Variants in RANBP17 observed in about 807,000 individuals in gnomAD.
RANBP17 encodes ran-binding protein 17.
RANBP17 carries 158 observed loss-of-function variants against 141.2 expected under a neutral mutation model. The observed-to-expected ratio is 1.12, with a 90% confidence interval of 0.98 to 1.28. The LOEUF is 1.28. Ranked by LOEUF, RANBP17 falls within the 50% of genes most tolerant of loss-of-function variation. RANBP17 has a pLI of 0.00. For missense variants in RANBP17, 1,438 were observed against 1,290.7 expected, an observed-to-expected ratio of 1.11 and a Z score of -1.75; for synonymous variants, 430 against 450.0, an observed-to-expected ratio of 0.96 and a Z score of 0.56.
Position 170,881,729 on chromosome 5 carries a change from CT to C in RANBP17, c.166-75del, listed in dbSNP as rs1264557043. ...AAAACCGGAAGAATTTCTGTTATTG[CT>C]TAGAAGAACATCTCTATCACAATGC... On this transcript the variant is annotated intron_variant, in intron 2 of 27. Transcript: ENST00000523189. 3 of 1,039,170 alleles carry C rather than the reference CT, an allele frequency of 2.9e-6. No individual in the cohort carries two copies. In the Admixed American group the frequency reaches 9.2e-5, roughly 32 times the overall value. The allele number at this position is 1,039,170 out of a possible 1,614,324, so 64.4% of individuals were successfully genotyped here.
In RANBP17 at chr5:171,185,748, T is replaced by A. The variant is rs115546677; in HGVS notation, c.2038+2318T>A. On this transcript the variant is annotated intron_variant, in intron 18 of 27. Transcript: ENST00000523189. ...GTCTTGAACCCCTCAGAGTCGTCCA[T>A]GAGAGTTGGAATCAACTTCTTCCAA... Among the ~76,000 whole-genome samples the A allele has an allele frequency of 6.8e-3, 1,032 of 152,336 alleles. 9 individuals carry two copies. Among genetic ancestry groups the A allele is most frequent in the Middle Eastern group, 0.027 (8 of 294 alleles).
chr5:170,961,022 A>C (rs1386169860), intron 13 of RANBP17, among the ~76,000 whole-genome samples: 1 of 152,228 alleles, frequency 6.6e-6, no homozygotes, highest in Non-Finnish European at 1.5e-5. Context: ...CTGGGATTAC[A>C]GGCGTGAGCC....
chr5:171,248,933 A>G (rs1285446094), intron 24 of RANBP17, among the ~76,000 whole-genome samples: 1 of 152,126 alleles, frequency 6.6e-6, no homozygotes, highest in African/African-American at 2.4e-5. Flanking sequence ...TGCTACTACC[A>G]GCATATGTGC....
rs10073714 is a variant in RANBP17 at position 171,089,279 on chromosome 5, C to T, written c.1711-80851C>T. Among the ~76,000 whole-genome samples, 3 of 83,488 alleles carry T rather than the reference C, an allele frequency of 3.6e-5. 1 individual carries two copies. The highest frequency in any genetic ancestry group is 8.8e-5 in the Non-Finnish European group (3 of 34,188). The allele number at this position is 83,488 out of a possible 152,430, so 54.8% of individuals were successfully genotyped here. ...TCCCAGTTAGGCTGCTCGGGGGTCA[C>T]GGGTCAGGGACCCACTTGAGGAGGC... On this transcript the variant is annotated intron_variant, in intron 14 of 27. Coordinates refer to ENST00000523189, the MANE Select transcript of RANBP17 (RefSeq NM_022897.5).
chr5:170,874,380 T>A (rs1741878168), intron 1 of RANBP17, among the ~76,000 whole-genome samples: 1 of 152,200 alleles, frequency 6.6e-6, no homozygotes, highest in African/African-American at 2.4e-5. Context: ...GTCCTGAATA[T>A]CTTTGTTAAT....
Position 170,908,656 on chromosome 5 carries a change from G to A in RANBP17, c.490-1005G>A, listed in dbSNP as rs373452275. Among the ~76,000 whole-genome samples, 7 of 148,576 alleles carry A rather than the reference G, an allele frequency of 4.7e-5. No individual in the cohort carries two copies. The East Asian group carries it at 1.2e-3, about 25-fold the overall frequency. ...CCCCCACAAGCTAAAATGAAAGTTG[G>A]GAAAAAAAAAAAAAGGAACACTGAA... On this transcript the variant is annotated intron_variant, in intron 5 of 27. Coordinates refer to ENST00000523189, the MANE Select transcript of RANBP17 (RefSeq NM_022897.5).
chr5:171,297,445 T>C (rs543635086), intron 27 of RANBP17, among the ~76,000 whole-genome samples: 1 of 152,340 alleles, frequency 6.6e-6, no homozygotes, highest in Non-Finnish European at 1.5e-5. Flanking sequence ...CAAATGCTGC[T>C]CCATTTGAAA....
At chr5:170,878,432 G>A (rs1273067058) in intron 2 of RANBP17, among the ~76,000 whole-genome samples, 189 bp downstream of exon 2, 1 of 152,120 alleles carries the variant, frequency 6.6e-6, no homozygotes, top group Non-Finnish European at 1.5e-5. Flanking sequence ...AGCAAACTTA[G>A]GGAAGAGCCA....
chr5:171,105,341 C>T lies in RANBP17; in HGVS notation c.1711-64789C>T, dbSNP rs537221408. Among the ~76,000 whole-genome samples the T allele has an allele frequency of 6.1e-3, 798 of 131,108 alleles. 9 individuals carry two copies. Among genetic ancestry groups the T allele is most frequent in the African/African-American group, 0.022 (760 of 34,378 alleles). The allele number at this position is 131,108 out of a possible 152,430, so 86.0% of individuals were successfully genotyped here. On this transcript the variant is annotated intron_variant, in intron 14 of 27. Coordinates refer to ENST00000523189, the MANE Select transcript of RANBP17 (RefSeq NM_022897.5). ...AGCTTGCAGTGAGCCGAGATCCCGC[C>T]ACTGCACTCCAGCCTGGGCGACAGA...
At chr5:170,970,990 G>A (rs1191245337) in intron 14 of RANBP17, among the ~76,000 whole-genome samples, 2 of 152,258 alleles carry the variant, frequency 1.3e-5, no homozygotes, top group South Asian at 2.1e-4. Context: ...TGTTGAATGT[G>A]TGTATTTAAT....
At chr5:171,053,804 G>A (rs1458987150) in intron 14 of RANBP17, among the ~76,000 whole-genome samples, 1 of 147,488 alleles carries the variant, frequency 6.8e-6, no homozygotes, top group East Asian at 2.0e-4. Context: ...CTCATCTTGG[G>A]GGAAAGCTTT....
intron 14 of RANBP17, among the ~76,000 whole-genome samples, chr5:171,065,924 G>C (rs894016600): frequency 1.3e-5 from 2 of 151,470 alleles, no homozygotes; most frequent in Admixed American, 6.6e-5. Flanking sequence ...GCAGTGGTAT[G>C]GTCTCGGTGC....
intron 25 of RANBP17, among the ~76,000 whole-genome samples, chr5:171,290,455 A>G (rs747116244): frequency 5.8e-4 from 89 of 152,328 alleles, no homozygotes; most frequent in Non-Finnish European, 1.2e-3. Flanking sequence ...CTTGTGCTTT[A>G]CATCCCATGT....
chr5:170,965,131 C>T (rs975228091), intron 13 of RANBP17, among the ~76,000 whole-genome samples: 2 of 152,136 alleles, frequency 1.3e-5, no homozygotes, highest in African/African-American at 4.8e-5. Flanking sequence ...TTTTGATTTG[C>T]ATTTCTCTGA....
chr5:171,203,599 T>TA (rs540823804), intron 19 of RANBP17, among the ~76,000 whole-genome samples: 43 of 151,130 alleles, frequency 2.8e-4, no homozygotes, highest in African/African-American at 8.5e-4. Flanking sequence ...TTTGCCACTT[T>TA]AAAAAAAAAG....
At chr5:171,149,759 C>T (rs957487038) in intron 14 of RANBP17, among the ~76,000 whole-genome samples, 2 of 152,186 alleles carry the variant, frequency 1.3e-5, no homozygotes, top group African/African-American at 2.4e-5. Flanking sequence ...AAATAATTCT[C>T]TTAAATCTAT....
At chr5:171,155,094 A>AT (rs1554106865) in intron 14 of RANBP17, among the ~76,000 whole-genome samples, 15,298 of 74,362 alleles carry the variant, frequency 0.21, 1,810 homozygotes, top group East Asian at 0.37. Flanking sequence ...AAAAAAAAAA[A>AT]ATATATATAT....
intron 5 of RANBP17, among the ~76,000 whole-genome samples, chr5:170,899,420 T>A (rs1168585874): frequency 1.3e-5 from 2 of 152,232 alleles, no homozygotes; most frequent in Non-Finnish European, 2.9e-5. Flanking sequence ...GATTTGGGGC[T>A]GAGATAATGG....
Position 171,199,766 on chromosome 5 carries a change from A to T in RANBP17, c.2135A>T (p.Asp712Val), listed in dbSNP as rs779977198. The T allele has an allele frequency of 1.3e-5, 21 of 1,587,144 alleles. No individual in the cohort carries two copies. Among genetic ancestry groups the T allele is most frequent in the Non-Finnish European group, 1.3e-5 (15 of 1,159,390 alleles). ...TTCAACAACAACTTTAAACAAGAAGATGTAAAGGTGGGTTTGTTTCCAAAT... is the reference window on the plus strand; with the variant it reads ...TTCAACAACAACTTTAAACAAGAAGTTGTAAAGGTGGGTTTGTTTCCAAAT... ...QIFNNNFKQEDVKRMLIGLAR... is the reference protein window; with the variant it reads ...QIFNNNFKQEVVKRMLIGLAR... Residue 712 changes from aspartate to valine, a missense_variant, in exon 19 of 28, where the codon GAT becomes GTT. By Grantham distance (152) the Asp-to-Val change is radical (BLOSUM62 -3). Coordinates refer to ENST00000523189, the MANE Select transcript of RANBP17 (RefSeq NM_022897.5).
Sources: gnomAD v4.1 joint callset for allele counts (sites outside exome capture counted in the v4.1 genomes callset) on GRCh38, gnomAD v4.1.1 for gene constraint, MANE v1.5 for transcripts, NCBI Gene and HGNC (gene_info 2026-07-23, HGNC 2026-07-21) for gene names.